Variants in FSTL4 observed in about 807,000 individuals in gnomAD.
FSTL4 encodes follistatin like 4.
A neutral mutation model predicts 78.2 loss-of-function variants in FSTL4; 28 were observed. The ratio of observed to expected loss-of-function variants is 0.36; its 90% CI spans 0.27 to 0.49. The LOEUF is 0.49. Ranked by LOEUF, FSTL4 falls within the 20% of genes least tolerant of loss-of-function variation. The pLI, the probability that FSTL4 is intolerant of heterozygous loss-of-function variation, is 0.98. For synonymous variants in FSTL4, 422 were observed against 440.5 expected, an observed-to-expected ratio of 0.96 and a Z score of 0.53; for missense variants, 922 against 1,084.9, an observed-to-expected ratio of 0.85 and a Z score of 2.11.
chr5:133,412,169 T>C (rs1580692187), intron 3 of FSTL4, among the ~76,000 whole-genome samples: 1 of 152,230 alleles, frequency 6.6e-6, no homozygotes, highest in East Asian at 1.9e-4. Context: ...TCATTTGAAG[T>C]AATAAGTGCC....
At chr5:133,294,679 C>T (rs543199946) in intron 6 of FSTL4, among the ~76,000 whole-genome samples, 3 of 152,138 alleles carry the variant, frequency 2.0e-5, no homozygotes, top group Non-Finnish European at 4.4e-5. Context: ...ATTATAGCAG[C>T]CTGAAAACTC....
chr5:133,314,292 G>A (rs116736207), intron 5 of FSTL4, among the ~76,000 whole-genome samples: 1,962 of 152,364 alleles, frequency 0.013, 42 homozygotes, highest in African/African-American at 0.045. Context: ...AGCCAGAGCT[G>A]GGGCCTAGTG....
At chr5:133,568,188 T>C (rs1343438604) in intron 2 of FSTL4, among the ~76,000 whole-genome samples, 1 of 152,104 alleles carries the variant, frequency 6.6e-6, no homozygotes, top group Non-Finnish European at 1.5e-5. Context: ...AGACTAGAAA[T>C]GCATATTGCA....
chr5:133,681,168 G>A, the FSTL4 span, among the ~76,000 whole-genome samples: 1 of 152,260 alleles, frequency 6.6e-6, no homozygotes, highest in African/African-American at 2.4e-5. Context: ...CCCAGGCTTG[G>A]CCTCCTGCTT....
At chr5:133,229,576 GA>G (rs899759114) in intron 8 of FSTL4, among the ~76,000 whole-genome samples, 2 of 151,896 alleles carry the variant, frequency 1.3e-5, no homozygotes, top group African/African-American at 4.8e-5. Context: ...GAATTTAGAA[GA>G]AAAAATATCC....
At chr5:133,295,190 G>A (rs568328397) in intron 6 of FSTL4, among the ~76,000 whole-genome samples, 1 of 152,148 alleles carries the variant, frequency 6.6e-6, no homozygotes, top group African/African-American at 2.4e-5. Context: ...CTTGCTTCCT[G>A]ATTCACTGAG....
chr5:133,282,736 C>A, intron 6 of FSTL4, among the ~76,000 whole-genome samples: 1 of 152,170 alleles, frequency 6.6e-6, no homozygotes, highest in East Asian at 1.9e-4. Context: ...TCAATGGGAA[C>A]TGCCCTGAAC....
intron 3 of FSTL4, among the ~76,000 whole-genome samples, chr5:133,472,234 G>A (rs967978618): frequency 6.6e-6 from 1 of 152,128 alleles, no homozygotes. Flanking sequence ...ATATCCAGCC[G>A]ATCTGTCAAT....
At chr5:133,770,108 A>C in the FSTL4 span, among the ~76,000 whole-genome samples, 7 of 151,804 alleles carry the variant, frequency 4.6e-5, no homozygotes, top group African/African-American at 1.7e-4. Context: ...GTGTGTGTGT[A>C]TAACATTTTC....
chr5:133,511,034 AAGG>A (rs746894906), intron 3 of FSTL4, among the ~76,000 whole-genome samples: 1 of 152,172 alleles, frequency 6.6e-6, no homozygotes, highest in Non-Finnish European at 1.5e-5. Context: ...CCTCCAGCTC[AAGG>A]AGTTTTTGCG....
the FSTL4 span, among the ~76,000 whole-genome samples, chr5:133,801,566 CT>C: frequency 6.6e-6 from 1 of 152,238 alleles, no homozygotes; most frequent in Non-Finnish European, 1.5e-5. Flanking sequence ...GCCTAGCCTC[CT>C]TTCTTTCTGC....
In FSTL4 at chr5:133,311,470, C is replaced by T. The variant is rs572981440; in HGVS notation, c.727+1184G>A. On this transcript the variant is annotated intron_variant, in intron 6 of 15. Coordinates refer to ENST00000265342, the MANE Select transcript of FSTL4 (RefSeq NM_015082.2). ...TGCAACCACGTCAAGCTCATGGACA[C>T]TGCCCATAGGGAAGAATCATGCTTG... Among the ~76,000 whole-genome samples, 16 of 152,300 alleles carry T rather than the reference C, an allele frequency of 1.1e-4. No individual in the cohort carries two copies. In the South Asian group the frequency reaches 3.3e-3, roughly 32 times the overall value.
the FSTL4 span, among the ~76,000 whole-genome samples, chr5:133,772,950 A>G: frequency 6.6e-6 from 1 of 152,164 alleles, no homozygotes; most frequent in East Asian, 1.9e-4. Flanking sequence ...TAAATTGACT[A>G]ATGCCTGTAA....
the FSTL4 span, among the ~76,000 whole-genome samples, chr5:133,670,485 T>A: frequency 6.6e-6 from 1 of 152,052 alleles, no homozygotes; most frequent in Non-Finnish European, 1.5e-5. Flanking sequence ...TTCCAGGGAG[T>A]AGAACAGTGG....
At chr5:133,768,046 G>A in the FSTL4 span, among the ~76,000 whole-genome samples, 1 of 152,170 alleles carries the variant, frequency 6.6e-6, no homozygotes, top group Admixed American at 6.5e-5. Context: ...GATGGAAGAG[G>A]AGAGGAATGA....
the FSTL4 span, among the ~76,000 whole-genome samples, chr5:133,720,203 C>T: frequency 2.6e-5 from 4 of 152,198 alleles, no homozygotes; most frequent in Non-Finnish European, 5.9e-5. Context: ...AGAAAATTCT[C>T]ATTTTGTATC....
intron 3 of FSTL4, among the ~76,000 whole-genome samples, chr5:133,524,943 T>C (rs1047254833): frequency 3.9e-5 from 6 of 152,212 alleles, no homozygotes; most frequent in Non-Finnish European, 7.3e-5. Context: ...CTTGCTAATA[T>C]GTCTGTAAAT....
chr5:133,436,547 C>G (rs1460410357), intron 3 of FSTL4, among the ~76,000 whole-genome samples: 1 of 152,080 alleles, frequency 6.6e-6, no homozygotes, highest in African/African-American at 2.4e-5. Context: ...AGTTATTAAA[C>G]AGTTTTAAGC....
At chr5:133,709,176 G>A in the FSTL4 span, among the ~76,000 whole-genome samples, 2 of 152,290 alleles carry the variant, frequency 1.3e-5, no homozygotes, top group South Asian at 2.1e-4. Context: ...GACCACCCCC[G>A]GGTCATATCC....
Sources: gnomAD v4.1 joint callset for allele counts (sites outside exome capture counted in the v4.1 genomes callset) on GRCh38, gnomAD v4.1.1 for gene constraint, MANE v1.5 for transcripts, NCBI Gene and HGNC (gene_info 2026-07-23, HGNC 2026-07-21) for gene names.